RADIL: variants seen among roughly 807,000 people sequenced by gnomAD.
RADIL encodes the protein ras-associating and dilute domain-containing protein.
RADIL carries 99 observed loss-of-function variants against 97.6 expected under a neutral mutation model. That is an observed-to-expected ratio of 1.01 (90% confidence interval 0.86 to 1.20). The LOEUF is 1.20. Among genes scored for constraint, RADIL ranks in the 50% most tolerant of loss-of-function variants. RADIL has a pLI of 0.00. For missense variants in RADIL, 1,765 were observed against 1,498.9 expected (o/e 1.18, Z -2.93); for synonymous variants, 803 against 691.8 (o/e 1.16, Z -2.52).
rs1783345765 is a variant in RADIL, at chr7:4,838,000, C to A, written c.536-1395G>T. 2.0e-6 allele frequency: 2 copies of A among 985,300 alleles called. No homozygotes were observed. Among genetic ancestry groups the A allele is most frequent in the Non-Finnish European group, 2.4e-6 (2 of 829,938 alleles). 61.0% of individuals were successfully genotyped at this position (985,300 alleles called of 1,614,324 possible). On this transcript the variant is annotated intron_variant, in intron 2 of 14. Coordinates refer to ENST00000399583, the MANE Select transcript of RADIL (RefSeq NM_018059.5). This position sits in a 1 kb window ranked among gnomAD's most constrained non-coding sequence, Gnocchi z 5.6. ...AGGCGTCAGCTGGCTGAGGAAGACC[C>A]TTACCAGCGCCAGCAGCCCCGCCGT...
At position 4,805,551 on chromosome 7, in the gene RADIL, T is replaced by C; in HGVS notation, c.2290+15A>G. 2 of 1,571,188 alleles carry C rather than the reference T, an allele frequency of 1.3e-6. No individual in the cohort carries two copies. The highest frequency in any genetic ancestry group is 1.7e-6 in the Non-Finnish European group (2 of 1,156,246). On this transcript the variant is annotated intron_variant, in intron 10 of 14. Transcript: ENST00000399583. ...CTGAGTCCCCAGCCCTCTCCTGCCC[T>C]GGGGCAGGGCTTACCTGACCTGAAG...
intron 12 of RADIL, 51 bp downstream of exon 12, chr7:4,801,602 G>A: frequency 6.6e-7 from 1 of 1,525,152 alleles, no homozygotes. Context: ...CCATCAGGGT[G>A]CTGTGCGGGG....
In RADIL at chr7:4,799,362, T is replaced by C; in HGVS notation, c.*16A>G. 1 of 1,611,040 alleles carries C rather than the reference T, an allele frequency of 6.2e-7. No homozygotes were observed. Among genetic ancestry groups the C allele is most frequent in the Non-Finnish European group, 8.5e-7 (1 of 1,178,222 alleles). The stretch of plus-strand genomic sequence containing the variant: ...GGACCGGGTGCCGGGCCTGTGGGGG[T>C]GTCCTCGCAGCCCCCCTAGAGAGGG... On this transcript the variant is annotated 3_prime_UTR_variant, in exon 15 of 15. Coordinates refer to ENST00000399583, the MANE Select transcript of RADIL (RefSeq NM_018059.5).
rs75223333 is a variant in RADIL, at chr7:4,879,079, G to A, written c.-64-876C>T. 6.6e-6 allele frequency among the ~76,000 whole-genome samples: 1 copy of A among 152,214 alleles called. No homozygotes were observed. Among genetic ancestry groups the A allele is most frequent in the African/African-American group, 2.4e-5 (1 of 41,464 alleles). ...ATACTCCCTGGGATGGCAGCACTGA[G>A]TGGCCTCGCAAGCACGGCGGGCACA... On this transcript the variant is annotated intron_variant, in intron 1 of 14. Coordinates refer to ENST00000399583, the MANE Select transcript of RADIL (RefSeq NM_018059.5). This position sits in a 1 kb window ranked among gnomAD's most constrained non-coding sequence, Gnocchi z 4.1.
At chr7:4,805,862 A>G (rs1782289221) in intron 9 of RADIL, 146 bp from the exon 10 acceptor site, 5 of 1,391,086 alleles carry the variant, frequency 3.6e-6, no homozygotes, top group Non-Finnish European at 4.7e-6. Context: ...TGTGAGGGGG[A>G]CGGTGTCACA....
intron 9 of RADIL, among the ~76,000 whole-genome samples, chr7:4,810,059 G>C (rs1782495880): frequency 6.6e-6 from 1 of 152,124 alleles, no homozygotes; most frequent in Admixed American, 6.5e-5. Flanking sequence ...TTCAGTGGTG[G>C]CCAGGCTGGT....
At position 4,801,933 on chromosome 7, in the gene RADIL, C is replaced by A; in HGVS notation, c.2562G>T (p.Arg854Ser). ...CTTCCCGGGCTGCTGGGCCAGGGTCCCTGGGAGCCAGGGGGCAGCTCGGGG... is the reference window on the plus strand; with the variant it reads ...CTTCCCGGGCTGCTGGGCCAGGGTCACTGGGAGCCAGGGGGCAGCTCGGGG... ...LEAPSCPLAP[R>S]DPGPAAREVA... Residue 854 changes from arginine to serine, a missense_variant, in exon 12 of 15, where the codon AGG (arginine) becomes AGT (serine). By Grantham distance (110) the Arg-to-Ser change is moderately radical. Coordinates refer to ENST00000399583, the MANE Select transcript of RADIL (RefSeq NM_018059.5). 1 of 1,567,680 alleles carries A rather than the reference C, an allele frequency of 6.4e-7. No individual in the cohort carries two copies. The highest frequency in any genetic ancestry group is 2.3e-5 in the East Asian group (1 of 44,058).
At position 4,800,231 on chromosome 7, in the gene RADIL, G is replaced by C. The variant is rs1417276388; in HGVS notation, c.2922C>G (p.Val974=). 3.7e-6 allele frequency: 6 copies of C among 1,602,476 alleles called. No homozygotes were observed. The highest frequency in any genetic ancestry group is 5.1e-6 in the Non-Finnish European group (6 of 1,175,772). The stretch of plus-strand genomic sequence containing the variant: ...GGCCTCGTTCCAGCTCCACCGTGAA[G>C]ACGTAGCAGAAGTCCTCGGTGCTGG... ...RSSSTEDFCY[V]FTVELERGPS... is the part of the protein sequence containing the mutation. The change falls in exon 13 of 15, where the codon GTC becomes GTG. Residue 974 remains valine, a synonymous_variant. Coordinates refer to ENST00000399583, the MANE Select transcript of RADIL (RefSeq NM_018059.5).
chr7:4,799,272 G>C lies in RADIL; in HGVS notation c.*106C>G. The C allele has an allele frequency of 9.2e-7, 1 of 1,088,446 alleles. No individual in the cohort carries two copies. Among genetic ancestry groups the C allele is most frequent in the Non-Finnish European group, 1.4e-6 (1 of 735,484 alleles). The allele number at this position is 1,088,446 out of a possible 1,614,324, so 67.4% of individuals were successfully genotyped here. On this transcript the variant is annotated 3_prime_UTR_variant, in exon 15 of 15. Transcript: ENST00000399583. Reference sequence around the variant, plus strand: ...GTCCCCAGGGTGAGGCTCCCCACCCGGGACCCAACTTGGTCAGTTACAAAA... The same window carrying C: ...GTCCCCAGGGTGAGGCTCCCCACCCCGGACCCAACTTGGTCAGTTACAAAA...
chr7:4,838,144 T>A, intron 2 of RADIL: 2 of 828,794 alleles, frequency 2.4e-6, no homozygotes, highest in Non-Finnish European at 2.9e-6. Context: ...CCCGTGCTCC[T>A]GCCGCCTGCA....
chr7:4,801,622 G>C (rs778403036), intron 12 of RADIL, 31 bp downstream of exon 12: 60 of 1,558,340 alleles, frequency 3.9e-5, no homozygotes, highest in Middle Eastern at 2.2e-4. Context: ...GTCTGGGGTG[G>C]GTTCCCGCCT....
intron 9 of RADIL, among the ~76,000 whole-genome samples, chr7:4,808,367 G>A (rs1782414045): frequency 6.6e-6 from 1 of 151,812 alleles, no homozygotes; most frequent in South Asian, 2.1e-4. Flanking sequence ...ATTATTTTAT[G>A]GATACTATAT....
At chr7:4,812,702 G>GTT (rs1302688671) in intron 9 of RADIL, among the ~76,000 whole-genome samples, 6 of 152,150 alleles carry the variant, frequency 3.9e-5, no homozygotes, top group African/African-American at 1.4e-4. Context: ...CATTACAGGT[G>GTT]TAAGCCACCA....
intron 2 of RADIL, among the ~76,000 whole-genome samples, chr7:4,853,492 C>T (rs1266155191): frequency 1.3e-5 from 2 of 152,000 alleles, no homozygotes; most frequent in African/African-American, 4.8e-5. Context: ...CCCGTAATCC[C>T]AGCACTTTGG....
In RADIL at chr7:4,840,939, C is replaced by G. The variant is rs993612458; in HGVS notation, c.536-4334G>C. Among the ~76,000 whole-genome samples, 1 of 152,200 alleles carries G rather than the reference C, an allele frequency of 6.6e-6. No homozygotes were observed. Among genetic ancestry groups the G allele is most frequent in the Non-Finnish European group, 1.5e-5 (1 of 68,038 alleles). ...CTGAGATCGCACCACTGCACTCCAG[C>G]CTGGGTGACAGAGCGAGACTCCGTC... is the stretch of plus-strand genomic sequence containing the variant. On this transcript the variant is annotated intron_variant, in intron 2 of 14. Transcript: ENST00000399583. The surrounding 1 kb of genome is among the most constrained non-coding windows in gnomAD (Gnocchi z 5.6).
rs1292493974 is a variant in RADIL at position 4,835,882 on chromosome 7, TG to T, written c.783+475del. Among the ~76,000 whole-genome samples the T allele has an allele frequency of 6.6e-6, 1 of 152,218 alleles. No homozygotes were observed. Among genetic ancestry groups the T allele is most frequent in the Non-Finnish European group, 1.5e-5 (1 of 68,028 alleles). ...GCTCGGGGCGACAGCCTGCCTGCTCTGATGGAAGTGGTGAGAAACGGCTCTG... is the reference window on the plus strand; with the variant it reads ...GCTCGGGGCGACAGCCTGCCTGCTCTATGGAAGTGGTGAGAAACGGCTCTG... On this transcript the variant is annotated intron_variant, in intron 3 of 14. Transcript: ENST00000399583. The surrounding 1 kb of genome is among the most constrained non-coding windows in gnomAD (Gnocchi z 5.8).
At chr7:4,836,678 C>T (rs3763383) in intron 2 of RADIL, 73 bp from the exon 3 acceptor site, 126,457 of 1,578,832 alleles carry the variant, frequency 0.08, 5,382 homozygotes, top group East Asian at 0.11. Context: ...TGGCTCACCC[C>T]TGTAATCCCA....
chr7:4,835,365 CCT>C lies in RADIL; in HGVS notation c.784-128_784-127del, dbSNP rs1385001887. On this transcript the variant is annotated intron_variant, in intron 3 of 14. Transcript: ENST00000399583. This position sits in a 1 kb window ranked among gnomAD's most constrained non-coding sequence, Gnocchi z 5.8. ...GCTGTCGCCACGGGCTCTCCATGTC[CCT>C]GGCCACCCCCACACCAGAACCCCGA... The C allele has an allele frequency of 1.6e-6, 2 of 1,231,072 alleles. No individual in the cohort carries two copies. Among genetic ancestry groups the C allele is most frequent in the African/African-American group, 3.0e-5 (2 of 67,080 alleles). 76.3% of individuals were successfully genotyped at this position (1,231,072 alleles called of 1,614,324 possible). A position where few individuals can be genotyped will look rare whatever the true frequency, so the allele number is the denominator to read the frequency against.
rs762828531 is a variant in RADIL at position 4,816,257 on chromosome 7, G to A, written c.1937C>T (p.Thr646Ile). The A allele has an allele frequency of 6.2e-5, 100 of 1,612,440 alleles. No individual in the cohort carries two copies. The highest frequency in any genetic ancestry group is 7.9e-5 in the Non-Finnish European group (93 of 1,179,672). The stretch of plus-strand genomic sequence containing the variant: ...GTCGAGGAGCTGGTTGAGAAGCAGT[G>A]TCCCGGAGAAGAAGAAGAGGTAGGC... ...MLAYLFFFSG[T>I]LLLNQLLDRG... The change falls in exon 8 of 15, where the codon ACA (threonine) becomes ATA (isoleucine). Residue 646 changes from threonine to isoleucine, a missense_variant. Transcript: ENST00000399583.
Sources: gnomAD v4.1 joint callset for allele counts (sites outside exome capture counted in the v4.1 genomes callset) on GRCh38, gnomAD v4.1.1 for gene constraint, Gnocchi (gnomAD v3.1) non-coding constraint, MANE v1.5 for transcripts, NCBI Gene and HGNC (gene_info 2026-07-23, HGNC 2026-07-21) for gene names.